Variants in TTN observed in about 807,000 individuals in gnomAD.
TTN encodes the protein connectin.
Under a neutral mutation model 3,223.0 loss-of-function variants are expected in TTN, and 1,525 were observed. That is an observed-to-expected ratio of 0.47 (90% CI 0.45 to 0.49). The LOEUF is 0.49. Ranked by LOEUF, TTN falls within the 20% of genes least tolerant of loss-of-function variation. The probability of loss-of-function intolerance (pLI) is 0.00; values close to 1 mark genes in which losing one functional copy is unlikely to be tolerated. For synonymous variants in TTN, 14,094 were observed against 15,161.0 expected (o/e 0.93, Z 5.17); for missense variants, 40,786 against 43,424.0 (o/e 0.94, Z 5.40).
intron 8 of TTN, 28 bp downstream of exon 8, chr2:178,794,371 G>T (rs762093001): frequency 1.9e-6 from 3 of 1,613,580 alleles, no homozygotes; most frequent in Non-Finnish European, 2.5e-6. Context: ...GTGGCTCTGC[G>T]GGTGCCCCAT....
chr2:178,653,092 T>C lies in TTN; in HGVS notation c.38824A>G (p.Lys12942Glu). The C allele has an allele frequency of 1.2e-6, 2 of 1,613,132 alleles. No homozygotes were observed. Among genetic ancestry groups the C allele is most frequent in the East Asian group, 4.5e-5 (2 of 44,834 alleles). ...TTAGGAGGAGTCACTGGCACTTTCT[T>C]TTCAGGAACAACTTCTTTGGGAGCC... ...PEAPKEVVPE[K>E]KVPVTPPKKP... Residue 12942 changes from lysine (K) to glutamate (E), a missense_variant, in exon 199 of 363, where the codon AAG (lysine) becomes GAG (glutamate). Physicochemically the swap from Lys to Glu is moderately conservative, Grantham distance 56. Transcript: ENST00000589042.
At chr2:178,699,663 G>A (rs1382562171) in intron 111 of TTN, among the ~76,000 whole-genome samples, 3 of 145,176 alleles carry the variant, frequency 2.1e-5, no homozygotes, top group African/African-American at 5.1e-5. Flanking sequence ...CGCCCGCCTC[G>A]GCCTCCCAAA....
intron 122 of TTN, 35 bp downstream of exon 122, chr2:178,689,778 T>C: frequency 6.4e-7 from 1 of 1,565,136 alleles, no homozygotes; most frequent in Non-Finnish European, 8.7e-7. Flanking sequence ...GTATCAAAGA[T>C]AAAAGATAGG....
In TTN at chr2:178,786,147, G is replaced by T; in HGVS notation, c.2077-6C>A. The T allele has an allele frequency of 6.2e-7, 1 of 1,613,470 alleles. No individual in the cohort carries two copies. The highest frequency in any genetic ancestry group is 1.1e-5 in the South Asian group (1 of 91,004). On this transcript the variant is annotated splice_region_variant and splice_polypyrimidine_tract_variant and intron_variant, in intron 13 of 362. Transcript: ENST00000589042. ...GCCTTTTTTCCAACGTCCACCTGGAGACAAGGTTTCCAGAATTAATACATA... is the reference window on the plus strand; with the variant it reads ...GCCTTTTTTCCAACGTCCACCTGGATACAAGGTTTCCAGAATTAATACATA...
chr2:178,704,386 A>G lies in TTN; in HGVS notation c.29984T>C (p.Leu9995Pro), dbSNP rs1060500554. 3.1e-6 allele frequency: 5 copies of G among 1,613,558 alleles called. No individual in the cohort carries two copies. The stretch of plus-strand genomic sequence containing the variant: ...GCCTTCTTTCAGAGTCACATCCTGA[A>G]GATGCCGTTCCCATGCAGGCTCTGT... ...TVIEPAWERHLQDVTLKEGQT... is the reference protein window; with the variant it reads ...TVIEPAWERHPQDVTLKEGQT... The change falls in exon 106 of 363, where the codon CTT becomes CCT. Residue 9995 changes from leucine (L) to proline (P), a missense_variant. Physicochemically the swap from Leu to Pro is moderately conservative, Grantham distance 98. Coordinates refer to ENST00000589042, the MANE Select transcript of TTN (RefSeq NM_001267550.2).
Position 178,540,079 on chromosome 2 carries a change from G to A in TTN, c.98087C>T (p.Thr32696Ile). 1 of 1,600,448 alleles carries A rather than the reference G, an allele frequency of 6.2e-7. No homozygotes were observed. Among genetic ancestry groups the A allele is most frequent in the East Asian group, 2.2e-5 (1 of 44,706 alleles). The change falls in exon 351 of 363, where the codon ACT becomes ATT. Residue 32696 changes from threonine to isoleucine, a missense_variant. Physicochemically the swap from Thr to Ile is moderately conservative, Grantham distance 89 (BLOSUM62 -1). Coordinates refer to ENST00000589042, the MANE Select transcript of TTN (RefSeq NM_001267550.2). ...PAEVPGTVKV[T>I]EMLEYPDYEL... ...ATCATATGTCTCACCAAGCATTTCA[G>A]TGACTTTGACTGTTCCTGGTACCTC...
chr2:178,782,069 TA>T, intron 20 of TTN, 142 bp downstream of exon 20: 1 of 1,004,248 alleles, frequency 1.0e-6, no homozygotes, highest in Non-Finnish European at 1.5e-6. Context: ...AAAAAAAATG[TA>T]AAAATACCTC....
chr2:178,688,641 A>C (rs1442614171), intron 126 of TTN, 36 bp downstream of exon 126: 2 of 1,413,224 alleles, frequency 1.4e-6, no homozygotes, highest in African/African-American at 2.8e-5. Flanking sequence ...GGAAACACAC[A>C]CAAACTCATT....
rs751180782 is a variant in TTN, at chr2:178,719,524, G to T, written c.23938+30C>A. The T allele has an allele frequency of 1.2e-5, 19 of 1,589,948 alleles. No homozygotes were observed. In the East Asian group the frequency reaches 4.3e-4, roughly 36 times the overall value. On this transcript the variant is annotated intron_variant, in intron 82 of 362. Coordinates refer to ENST00000589042, the MANE Select transcript of TTN (RefSeq NM_001267550.2). ...TGCCCCTCCACCCCCTGGAAATATT[G>T]TATATTCATAAAAATCTCATTCTAC...
In TTN at chr2:178,560,724, G is replaced by C; in HGVS notation, c.85408C>G (p.Leu28470Val). Residue 28470 changes from leucine (L) to valine (V), a missense_variant, in exon 326 of 363, where the codon CTT becomes GTT. Physicochemically the swap from Leu to Val is conservative, Grantham distance 32. Transcript: ENST00000589042. Reference sequence around the variant, plus strand: ...TCTTCTTGGGGACGTCCCCAGGAAAGAGAGCATTTCTCAGCAGTGAGGCCA... The same window carrying C: ...TCTTCTTGGGGACGTCCCCAGGAAACAGAGCATTTCTCAGCAGTGAGGCCA... ...INGLTAEKCS[L>V]SWGRPQEDGG... The C allele has an allele frequency of 1.2e-6, 2 of 1,613,692 alleles. No homozygotes were observed. The highest frequency in any genetic ancestry group is 1.7e-6 in the Non-Finnish European group (2 of 1,179,798).
At position 178,535,366 on chromosome 2, in the gene TTN, A is replaced by G; in HGVS notation, c.101249T>C (p.Ile33750Thr). Residue 33750 changes from isoleucine (I) to threonine (T), a missense_variant, in exon 358 of 363, where the codon ATC becomes ACC. Coordinates refer to ENST00000589042, the MANE Select transcript of TTN (RefSeq NM_001267550.2). Reference sequence around the variant, plus strand: ...GTAACTTGTTTTTCCAAATAAGTTGATCACGGTATAACGTGTTTCTCGGGC... The same window carrying G: ...GTAACTTGTTTTTCCAAATAAGTTGGTCACGGTATAACGTGTTTCTCGGGC... ...GQARETRYTV[I>T]NLFGKTSYQF... 1.2e-6 allele frequency: 2 copies of G among 1,613,950 alleles called. No homozygotes were observed. Among genetic ancestry groups the G allele is most frequent in the Non-Finnish European group, 1.7e-6 (2 of 1,179,862 alleles).
At position 178,559,925 on chromosome 2, in the gene TTN, G is replaced by A. The variant is rs1457797876; in HGVS notation, c.86207C>T (p.Pro28736Leu). Residue 28736 changes from proline to leucine, a missense_variant, in exon 326 of 363, where the codon CCC becomes CTC. Transcript: ENST00000589042. ...TATCTGAGGGTCAGAGCTATCACTG[G>A]GGTCACTAGCACCAACCTTATTGAC... is the stretch of plus-strand genomic sequence containing the variant. Reference protein sequence around the residue: ...KSVNKVGASDPSDSSDPQIAK... With the variant: ...KSVNKVGASDLSDSSDPQIAK... The A allele has an allele frequency of 2.5e-6, 4 of 1,613,606 alleles. No individual in the cohort carries two copies. Among genetic ancestry groups the A allele is most frequent in the Admixed American group, 1.7e-5 (1 of 59,994 alleles).
In TTN at chr2:178,738,300, T is replaced by C. The variant is rs753558755; in HGVS notation, c.14153A>G (p.Lys4718Arg). ...AGCACTTTGGATCTCACAGGTGAAT[T>C]TGGCTAGGTGGCCCAGTGCTACTTC... ...PLEVALGHLA[K>R]FTCEIQSAPN... is the part of the protein sequence containing the mutation. Residue 4718 changes from lysine (K) to arginine (R), a missense_variant, in exon 49 of 363, where the codon AAA becomes AGA. By Grantham distance (26) the Lys-to-Arg change is conservative. Transcript: ENST00000589042. 1.2e-6 allele frequency: 2 copies of C among 1,613,560 alleles called. No homozygotes were observed. Among genetic ancestry groups the C allele is most frequent in the Middle Eastern group, 1.7e-4 (1 of 6,056 alleles).
At position 178,718,485 on chromosome 2, in the gene TTN, G is replaced by T. The variant is rs751733811; in HGVS notation, c.24621C>A (p.Asp8207Glu). 2.5e-6 allele frequency: 4 copies of T among 1,613,618 alleles called. No homozygotes were observed. In the South Asian group the frequency reaches 4.4e-5, roughly 18 times the overall value. ...TPPISVSWIK[D>E]EYLISQSERC... ...TCTCAGATTGTGAAATAAGATACTC[G>T]TCCTTTATCCAGCTCACTGAGATTG... The change falls in exon 85 of 363, where the codon GAC becomes GAA. Residue 8207 changes from aspartate to glutamate, a missense_variant. By Grantham distance (45) the Asp-to-Glu change is conservative (BLOSUM62 2). Coordinates refer to ENST00000589042, the MANE Select transcript of TTN (RefSeq NM_001267550.2).
chr2:178,752,307 A>G (rs916863829), intron 47 of TTN, among the ~76,000 whole-genome samples: 15 of 152,016 alleles, frequency 9.9e-5, no homozygotes, highest in African/African-American at 3.6e-4. Context: ...TCAAAATAAC[A>G]TGTTCCTGTG....
At chr2:178,577,546 A>G in intron 323 of TTN, 36 bp from the exon 324 acceptor site, 1 of 1,553,906 alleles carries the variant, frequency 6.4e-7, no homozygotes, top group Non-Finnish European at 8.7e-7. Flanking sequence ...TCAGAAAAGG[A>G]AGGAGGCTTA....
chr2:178,568,825 A>G lies in TTN; in HGVS notation c.77307T>C (p.Phe25769=), dbSNP rs778877994. Residue 25769 remains phenylalanine, a synonymous_variant, in exon 326 of 363, where the codon TTT becomes TTC. Transcript: ENST00000589042. ...TNLTQGEEYL[F]RVVAVNEKGR... ...CCTTTTCATTTACAGCAACAACTCT[A>G]AAAAGATATTCTTCCCCTTGAGTTA... The G allele has an allele frequency of 6.2e-7, 1 of 1,613,204 alleles. No homozygotes were observed. Among genetic ancestry groups the G allele is most frequent in the Non-Finnish European group, 8.5e-7 (1 of 1,179,590 alleles).
chr2:178,536,636 T>G, intron 356 of TTN, 61 bp from the exon 357 acceptor site: 1 of 1,367,366 alleles, frequency 7.3e-7, no homozygotes, highest in Non-Finnish European at 9.7e-7. Context: ...TTAAAGCTTA[T>G]TTTTTTAAAA....
intron 6 of TTN, among the ~76,000 whole-genome samples, chr2:178,796,616 G>C (rs1175215672): frequency 6.6e-6 from 1 of 152,142 alleles, no homozygotes; most frequent in African/African-American, 2.4e-5. Context: ...CAAAAACCAA[G>C]TTAGAATAAT....
Sources: allele counts gnomAD v4.1 joint callset (sites outside exome capture counted in the v4.1 genomes callset), GRCh38; gene constraint gnomAD v4.1.1; transcripts MANE v1.5; gene names NCBI Gene and HGNC (gene_info 2026-07-23, HGNC 2026-07-21).